Variants in CADPS observed in about 807,000 individuals in gnomAD.
CADPS encodes the protein calcium dependent secretion activator.
In CADPS, 57 loss-of-function variants were observed where a neutral mutation model predicts 167.3. That is an observed-to-expected ratio of 0.34 (90% CI 0.28 to 0.42). The LOEUF (loss-of-function observed/expected upper bound fraction) is 0.42, where lower values mean the gene tolerates loss of function less well. CADPS is among the 20% of genes least tolerant of loss of function. The pLI is 1.00. For missense variants in CADPS, 1,414 were observed against 1,738.1 expected (o/e 0.81, Z 3.32); for synonymous variants, 676 against 635.3 (o/e 1.06, Z -0.96).
Position 62,455,524 on chromosome 3 carries a change from G to A in CADPS, c.3637-9727C>T, listed in dbSNP as rs1010166903. 6.6e-6 allele frequency among the ~76,000 whole-genome samples: 1 copy of A among 152,162 alleles called. No homozygotes were observed. Among genetic ancestry groups the A allele is most frequent in the Admixed American group, 6.5e-5 (1 of 15,276 alleles). ...GGTTTGCCCTCCTAATGGCCACATT[G>A]TATGCTTTTCCATTTTGTTGATTTT... On this transcript the variant is annotated intron_variant, in intron 26 of 29. Coordinates refer to ENST00000383710, the MANE Select transcript of CADPS (RefSeq NM_003716.4). The surrounding 1 kb of genome is among the most constrained non-coding windows in gnomAD (Gnocchi z 4.4).
At chr3:62,750,167 C>A (rs1177374452) in intron 3 of CADPS, among the ~76,000 whole-genome samples, 2 of 151,498 alleles carry the variant, frequency 1.3e-5, no homozygotes, top group African/African-American at 4.9e-5. Context: ...GCCTGGCCAA[C>A]ATGGAAAAAC....
At chr3:62,855,923 G>A (rs2079592619) in intron 1 of CADPS, among the ~76,000 whole-genome samples, 1 of 151,982 alleles carries the variant, frequency 6.6e-6, no homozygotes, top group Non-Finnish European at 1.5e-5. Flanking sequence ...TTGCCCAACT[G>A]CAATTTAATA....
intron 1 of CADPS, among the ~76,000 whole-genome samples, chr3:62,800,843 T>C (rs556796052): frequency 6.6e-6 from 1 of 152,316 alleles, no homozygotes; most frequent in Admixed American, 6.5e-5. Context: ...TTACAAAACA[T>C]TCGTTCTCGA....
At chr3:62,600,327 G>C (rs1015689641) in intron 6 of CADPS, among the ~76,000 whole-genome samples, 9 of 151,988 alleles carry the variant, frequency 5.9e-5, no homozygotes, top group Admixed American at 5.2e-4. Flanking sequence ...TATAGTGATG[G>C]AAAGTGCCAC....
chr3:62,543,171 C>A (rs183720404), intron 11 of CADPS, among the ~76,000 whole-genome samples: 39 of 152,128 alleles, frequency 2.6e-4, no homozygotes, highest in Admixed American at 2.6e-3. Context: ...TTTACTTTTA[C>A]AGTGAAAAGG....
intron 13 of CADPS, among the ~76,000 whole-genome samples, chr3:62,523,044 G>A (rs754305173): frequency 6.6e-5 from 10 of 152,000 alleles, no homozygotes; most frequent in African/African-American, 1.2e-4. Flanking sequence ...TGACATTTTC[G>A]GCAGCATGAT....
At chr3:62,404,656 A>G (rs1490553623) in intron 28 of CADPS, 1 of 151,704 alleles carries the variant, frequency 6.6e-6, no homozygotes, top group Non-Finnish European at 1.5e-5. Flanking sequence ...CACTACCCCA[A>G]TCGAGGCAGC....
At chr3:62,721,416 CCAGACAACA>C (rs2075808668) in intron 3 of CADPS, among the ~76,000 whole-genome samples, 1 of 152,008 alleles carries the variant, frequency 6.6e-6, no homozygotes, top group African/African-American at 2.4e-5. Flanking sequence ...GTCCTTGAAC[CCAGACAACA>C]GTAGGAAAGT....
At chr3:62,512,916 C>T (rs2068145803) in intron 16 of CADPS, 148 bp from the exon 17 acceptor site, 1 of 557,864 alleles carries the variant, frequency 1.8e-6, no homozygotes, top group Non-Finnish European at 3.0e-6. Flanking sequence ...GTTCCCACCG[C>T]CCCAAAGTTT....
Position 62,583,467 on chromosome 3 carries a change from A to G in CADPS, c.1577+1718T>C, listed in dbSNP as rs142813555. On this transcript the variant is annotated intron_variant, in intron 8 of 29. Coordinates refer to ENST00000383710, the MANE Select transcript of CADPS (RefSeq NM_003716.4). ...CAATGTTTCACGGCATTCTAATTTA[A>G]TCGAAGAAAACCTGGTTGTACTTCA... 5.3e-4 allele frequency among the ~76,000 whole-genome samples: 81 copies of G among 152,238 alleles called. 1 individual carries two copies. The highest frequency in any genetic ancestry group is 3.4e-3 in the Middle Eastern group (1 of 294).
At chr3:62,848,168 T>C (rs1264078376) in intron 1 of CADPS, among the ~76,000 whole-genome samples, 1 of 144,786 alleles carries the variant, frequency 6.9e-6, no homozygotes, top group East Asian at 2.0e-4. Context: ...CATTGTAGAT[T>C]CTGGATATTA....
intron 3 of CADPS, among the ~76,000 whole-genome samples, chr3:62,697,561 A>G (rs1343218320): frequency 6.6e-6 from 1 of 152,066 alleles, no homozygotes; most frequent in African/African-American, 2.4e-5. Context: ...ATGCTGCTAT[A>G]AACATACGTG....
chr3:62,584,148 G>A (rs976160072), intron 8 of CADPS, among the ~76,000 whole-genome samples: 8 of 151,842 alleles, frequency 5.3e-5, no homozygotes, highest in African/African-American at 1.5e-4. Flanking sequence ...AGGATTACAG[G>A]TGCCCACCAC....
chr3:62,423,111 A>T (rs1012074226), intron 28 of CADPS, among the ~76,000 whole-genome samples: 1 of 152,244 alleles, frequency 6.6e-6, no homozygotes, highest in Non-Finnish European at 1.5e-5. Flanking sequence ...TATGGTATGC[A>T]AGATTCCCTA....
intron 28 of CADPS, among the ~76,000 whole-genome samples, chr3:62,406,186 T>C (rs967785402): frequency 6.6e-6 from 1 of 152,202 alleles, no homozygotes; most frequent in Non-Finnish European, 1.5e-5. Context: ...GGATATCACA[T>C]TGATAGCTAG....
intron 6 of CADPS, among the ~76,000 whole-genome samples, chr3:62,594,666 A>T (rs1225976161): frequency 6.6e-6 from 1 of 152,118 alleles, no homozygotes; most frequent in East Asian, 1.9e-4. Context: ...CTGAGTAGCT[A>T]GGAGTTAGAT....
Position 62,478,285 on chromosome 3 carries a change from T to A in CADPS, c.3305A>T (p.Asp1102Val), listed in dbSNP as rs868478167. ...CCTTTTGACACAAGATTCGATCATG[T>A]CACTTGCCATCAACTTCAGCCGTTG... Reference protein sequence around the residue: ...LEQRLKLMASDMIESCVKRTR... With the variant: ...LEQRLKLMASVMIESCVKRTR... Residue 1102 changes from aspartate to valine, a missense_variant, in exon 23 of 30, where the codon GAC (aspartate) becomes GTC (valine). Around this residue, in one of 6 missense-constraint regions of CADPS, gnomAD observed 529 missense variants for 629.6 expected, o/e 0.84. Coordinates refer to ENST00000383710, the MANE Select transcript of CADPS (RefSeq NM_003716.4). The surrounding 1 kb of genome is among the most constrained non-coding windows in gnomAD (Gnocchi z 5.7). 6.2e-7 allele frequency: 1 copy of A among 1,613,750 alleles called. No homozygotes were observed. The highest frequency in any genetic ancestry group is 8.5e-7 in the Non-Finnish European group (1 of 1,179,818).
At chr3:62,715,332 G>C (rs2084245155) in intron 3 of CADPS, among the ~76,000 whole-genome samples, 1 of 151,156 alleles carries the variant, frequency 6.6e-6, no homozygotes, top group Non-Finnish European at 1.5e-5. Flanking sequence ...GTAGAGATGA[G>C]GTTTTGCCAT....
intron 1 of CADPS, among the ~76,000 whole-genome samples, chr3:62,849,760 C>A (rs1407187493): frequency 3.5e-4 from 50 of 141,884 alleles, no homozygotes; most frequent in African/African-American, 1.2e-3. Flanking sequence ...TGTCTCTGCC[C>A]GGCTTTGGTA....
Sources: allele counts gnomAD v4.1 joint callset (sites outside exome capture counted in the v4.1 genomes callset), GRCh38; gene constraint gnomAD v4.1.1; regional missense constraint gnomAD v4.1.1; non-coding constraint Gnocchi (gnomAD v3.1); transcripts MANE v1.5; gene names NCBI Gene and HGNC (gene_info 2026-07-23, HGNC 2026-07-21).